The following TMEM131L variants were observed in gnomAD, a reference collection of about 807,000 sequenced individuals.
TMEM131L encodes transmembrane 131 like.
Under a neutral mutation model 192.2 loss-of-function variants are expected in TMEM131L, and 54 were observed. The ratio of observed to expected loss-of-function variants is 0.28; its 90% CI spans 0.23 to 0.35. The LOEUF (loss-of-function observed/expected upper bound fraction) is 0.35, where lower values mean the gene tolerates loss of function less well. Among genes scored for constraint, TMEM131L ranks in the 10% least tolerant of loss-of-function variants. The pLI is 1.00. For synonymous variants in TMEM131L, 701 were observed against 704.9 expected, an observed-to-expected ratio of 0.99 and a Z score of 0.09; for missense variants, 1,888 against 1,972.9, an observed-to-expected ratio of 0.96 and a Z score of 0.82.
At chr4:153,634,012 C>T (rs1561264463) in intron 32 of TMEM131L, among the ~76,000 whole-genome samples, 180 bp from the exon 33 acceptor site, 1 of 152,186 alleles carries the variant, frequency 6.6e-6, no homozygotes, top group Non-Finnish European at 1.5e-5. Context: ...GATGGCATGT[C>T]ACTAGTGATC....
rs188193717 is a variant in TMEM131L at position 153,623,477 on chromosome 4, A to G, written c.4045+394A>G. On this transcript the variant is annotated intron_variant, in intron 29 of 34. Transcript: ENST00000409959. ...CAGTATTTTTTATCTTGCAAAACTGAAACTGTACCCATGAAACAATAACTC... is the reference window on the plus strand; with the variant it reads ...CAGTATTTTTTATCTTGCAAAACTGGAACTGTACCCATGAAACAATAACTC... Among the ~76,000 whole-genome samples, 10 of 152,302 alleles carry G rather than the reference A, an allele frequency of 6.6e-5. No individual in the cohort carries two copies. In the East Asian group the frequency reaches 1.9e-3, roughly 29 times the overall value.
At chr4:153,619,461 T>C (rs1282067861) in intron 26 of TMEM131L, among the ~76,000 whole-genome samples, 1 of 152,222 alleles carries the variant, frequency 6.6e-6, no homozygotes, top group Non-Finnish European at 1.5e-5. Flanking sequence ...ATGCTTAACT[T>C]GTCAGGTTTT....
chr4:153,468,905 T>C (rs895224633), intron 2 of TMEM131L, among the ~76,000 whole-genome samples: 8 of 152,348 alleles, frequency 5.3e-5, no homozygotes, highest in African/African-American at 1.9e-4. Context: ...CTGGCTAGTG[T>C]TGGAAGCCAA....
chr4:153,569,946 T>C, intron 7 of TMEM131L, among the ~76,000 whole-genome samples: 1 of 152,244 alleles, frequency 6.6e-6, no homozygotes, highest in East Asian at 1.9e-4. Context: ...GTGTATCCAG[T>C]TATCTTGGCC....
chr4:153,611,460 A>G (rs370096758), intron 25 of TMEM131L, among the ~76,000 whole-genome samples: 27 of 152,360 alleles, frequency 1.8e-4, no homozygotes, highest in East Asian at 5.8e-4. Flanking sequence ...TGTATATATA[A>G]AATATACATC....
chr4:153,518,154 T>C (rs972082883), intron 3 of TMEM131L, among the ~76,000 whole-genome samples: 1 of 152,188 alleles, frequency 6.6e-6, no homozygotes, highest in Non-Finnish European at 1.5e-5. Context: ...GGTTCCTGTT[T>C]AGAATTGAGG....
intron 3 of TMEM131L, among the ~76,000 whole-genome samples, chr4:153,526,408 A>G (rs1223461648): frequency 7.2e-5 from 11 of 152,138 alleles, no homozygotes; most frequent in African/African-American, 1.4e-4. Context: ...TAGAGGATGC[A>G]GGGATGAAGG....
chr4:153,476,057 C>T (rs753576049), intron 3 of TMEM131L, among the ~76,000 whole-genome samples: 1 of 152,076 alleles, frequency 6.6e-6, no homozygotes, highest in Non-Finnish European at 1.5e-5. Context: ...CTCCTGGGTT[C>T]AAGTGATTCT....
At chr4:153,595,392 T>C (rs1425149626) in intron 19 of TMEM131L, among the ~76,000 whole-genome samples, 1 of 152,228 alleles carries the variant, frequency 6.6e-6, no homozygotes, top group East Asian at 1.9e-4. Flanking sequence ...TCAGTATTCA[T>C]ATTACCTGCG....
intron 3 of TMEM131L, among the ~76,000 whole-genome samples, chr4:153,525,571 C>A (rs1735411484): frequency 6.6e-6 from 1 of 152,236 alleles, no homozygotes; most frequent in South Asian, 2.1e-4. Context: ...AGCTCCTGAC[C>A]TCAAGTGATC....
intron 12 of TMEM131L, 27 bp from the exon 13 acceptor site, chr4:153,585,431 G>C: frequency 6.2e-7 from 1 of 1,611,954 alleles, no homozygotes; most frequent in Non-Finnish European, 8.5e-7. Context: ...ACTCAGGCCT[G>C]ATAGCATGCA....
chr4:153,615,080 G>T (rs1732882296), intron 26 of TMEM131L, among the ~76,000 whole-genome samples: 1 of 152,126 alleles, frequency 6.6e-6, no homozygotes, highest in African/African-American at 2.4e-5. Flanking sequence ...CTTCTTCTGG[G>T]TTTGAATCTG....
Position 153,548,299 on chromosome 4 carries a change from T to A in TMEM131L, c.240-1774T>A, listed in dbSNP as rs112443964. ...CCCAAGGCATTACTTTATTTTTTTT[T>A]AATTTCTTTTTATTTTTTTGAGACG... On this transcript the variant is annotated intron_variant, in intron 3 of 34. Transcript: ENST00000409959. 3.9e-3 allele frequency among the ~76,000 whole-genome samples: 598 copies of A among 152,216 alleles called. 6 individuals are homozygous for A. The highest frequency in any genetic ancestry group is 0.014 in the African/African-American group (572 of 41,490).
chr4:153,536,886 G>T (rs549940512), intron 3 of TMEM131L, among the ~76,000 whole-genome samples: 48 of 152,272 alleles, frequency 3.2e-4, no homozygotes, highest in African/African-American at 9.4e-4. Context: ...ATGTTCCAGG[G>T]CAGGAAGCAT....
chr4:153,595,942 G>C (rs1038180994), intron 19 of TMEM131L, among the ~76,000 whole-genome samples: 4 of 152,178 alleles, frequency 2.6e-5, no homozygotes, highest in Non-Finnish European at 5.9e-5. Flanking sequence ...TCTGTTTTCT[G>C]ATTGATGTTG....
At chr4:153,615,309 G>A (rs1007877476) in intron 26 of TMEM131L, among the ~76,000 whole-genome samples, 1 of 152,206 alleles carries the variant, frequency 6.6e-6, no homozygotes, top group African/African-American at 2.4e-5. Context: ...CCAACAGAGA[G>A]GGATGGCTGA....
chr4:153,636,525 G>C lies in TMEM131L; in HGVS notation c.4782G>C (p.Arg1594Ser). 1 of 1,614,188 alleles carries C rather than the reference G, an allele frequency of 6.2e-7. No individual in the cohort carries two copies. Among genetic ancestry groups the C allele is most frequent in the South Asian group, 1.1e-5 (1 of 91,088 alleles). Residue 1594 changes from arginine (R) to serine (S), a missense_variant, in exon 35 of 35, where the codon AGG becomes AGC. Transcript: ENST00000409959. ...NLDIWTTTAN[R>S]NANFPLSRDS... ...ACATATGGACTACCACAGCGAATAG[G>C]AATGCAAATTTCCCACTGTCTAGAG...
intron 15 of TMEM131L, among the ~76,000 whole-genome samples, 155 bp from the exon 16 acceptor site, chr4:153,588,735 G>A (rs1730867523): frequency 6.6e-6 from 1 of 151,878 alleles, no homozygotes; most frequent in African/African-American, 2.4e-5. Flanking sequence ...TGAGTTAGAG[G>A]GACTTTTAAT....
At chr4:153,572,130 G>C (rs1328069149) in intron 7 of TMEM131L, among the ~76,000 whole-genome samples, 1 of 151,830 alleles carries the variant, frequency 6.6e-6, no homozygotes, top group Non-Finnish European at 1.5e-5. Context: ...AATGTGTAAC[G>C]ATCCACTCAG....
Sources: gnomAD v4.1 joint callset for allele counts (sites outside exome capture counted in the v4.1 genomes callset) on GRCh38, gnomAD v4.1.1 for gene constraint, MANE v1.5 for transcripts, NCBI Gene and HGNC (gene_info 2026-07-23, HGNC 2026-07-21) for gene names.